CDC20B: variants seen among roughly 807,000 people sequenced by gnomAD.
The protein encoded by CDC20B is cell division cycle 20B, also known as cell division cycle protein 20 homolog B.
CDC20B carries 58 observed loss-of-function variants against 64.1 expected under a neutral mutation model. That is an observed-to-expected ratio of 0.90 (90% CI 0.73 to 1.13). CDC20B has a LOEUF of 1.13. Among genes scored for constraint, CDC20B ranks in the 50% most tolerant of loss-of-function variants. The pLI, the probability that CDC20B is intolerant of heterozygous loss-of-function variation, is 0.00. For synonymous variants in CDC20B, 243 were observed against 230.6 expected (o/e 1.05, Z -0.49); for missense variants, 597 against 633.0 (o/e 0.94, Z 0.61).
intron 2 of CDC20B, among the ~76,000 whole-genome samples, chr5:55,150,450 GC>G (rs1743631184): frequency 6.6e-6 from 1 of 152,222 alleles, no homozygotes; most frequent in South Asian, 2.1e-4. Flanking sequence ...AGGGGGCGAG[GC>G]CGGCTCTCTC....
At position 55,140,153 on chromosome 5, in the gene CDC20B, G is replaced by A. The variant is rs143666801; in HGVS notation, c.580+161C>T. On this transcript the variant is annotated intron_variant, in intron 5 of 11. Transcript: ENST00000381375. ...CTATAGAGAATGGGACTTGGAGGTA[G>A]GGGTAGTTAGAACAGAGGATTATGA... Among the ~76,000 whole-genome samples, 34 of 152,270 alleles carry A rather than the reference G, an allele frequency of 2.2e-4. No individual in the cohort carries two copies. The East Asian group carries it at 6.2e-3, about 28-fold the overall frequency.
rs565350239 is a variant in CDC20B at position 55,135,233 on chromosome 5, C to CTATATA, written c.581-1711_581-1706dup. 3.2e-3 allele frequency among the ~76,000 whole-genome samples: 465 copies of CTATATA among 146,902 alleles called. 5 individuals are homozygous for CTATATA. The highest frequency in any genetic ancestry group is 0.011 in the African/African-American group (441 of 39,836). Reference sequence around the variant, plus strand: ...ATAAAGTGTATGTGTGTGTGTGTGTCTATATATATATATATACAGAGAGAG... The same window carrying CTATATA: ...ATAAAGTGTATGTGTGTGTGTGTGTCTATATATATATATATATATATACAGAGAGAG... On this transcript the variant is annotated intron_variant, in intron 5 of 11. Transcript: ENST00000381375.
At chr5:55,154,276 G>C (rs561733557) in intron 2 of CDC20B, among the ~76,000 whole-genome samples, 4 of 152,198 alleles carry the variant, frequency 2.6e-5, no homozygotes, top group Non-Finnish European at 4.4e-5. Flanking sequence ...AAGCATTTTG[G>C]GGGGCCAGTG....
chr5:55,139,711 A>G (rs1301948538), intron 5 of CDC20B, among the ~76,000 whole-genome samples: 1 of 152,140 alleles, frequency 6.6e-6, no homozygotes, highest in African/African-American at 2.4e-5. Context: ...GCATGTCGAG[A>G]AACTGATGAA....
At chr5:55,166,641 A>G (rs909739949) in intron 2 of CDC20B, 1 of 152,208 alleles carries the variant, frequency 6.6e-6, no homozygotes, top group African/African-American at 2.4e-5. Flanking sequence ...TCTTTCCTAT[A>G]TTGGACAATC....
intron 8 of CDC20B, among the ~76,000 whole-genome samples, chr5:55,127,013 T>C (rs1370420238): frequency 1.3e-5 from 2 of 152,176 alleles, no homozygotes; most frequent in Non-Finnish European, 2.9e-5. Flanking sequence ...ATTTTCACAT[T>C]TTATCTGAAC....
chr5:55,162,950 T>G (rs1580371899), intron 2 of CDC20B, among the ~76,000 whole-genome samples: 1 of 152,262 alleles, frequency 6.6e-6, no homozygotes, highest in South Asian at 2.1e-4. Context: ...GCTCAACCAC[T>G]CATTAGCCAC....
At chr5:55,152,742 C>G (rs1160236107) in intron 2 of CDC20B, among the ~76,000 whole-genome samples, 2 of 152,138 alleles carry the variant, frequency 1.3e-5, no homozygotes, top group African/African-American at 4.8e-5. Flanking sequence ...TACTTTCTCT[C>G]CTGCTATATC....
Position 55,173,085 on chromosome 5 carries a change from C to T in CDC20B, c.-85G>A. 8.0e-7 allele frequency: 1 copy of T among 1,257,330 alleles called. No homozygotes were observed. The highest frequency in any genetic ancestry group is 1.3e-5 in the South Asian group (1 of 77,812). 77.9% of individuals were successfully genotyped at this position (1,257,330 alleles called of 1,614,324 possible). A position where few individuals can be genotyped will look rare whatever the true frequency, so the allele number is the denominator to read the frequency against. ...CTTCCCAGGTCTAAGTCAGTCTTGA[C>T]GCCTAATCGTCAAACCCCTGGAGTC... On this transcript the variant is annotated 5_prime_UTR_variant, in exon 1 of 12. Coordinates refer to ENST00000381375, the MANE Select transcript of CDC20B (RefSeq NM_001170402.1).
chr5:55,121,689 A>G (rs1742760652), intron 9 of CDC20B, among the ~76,000 whole-genome samples: 1 of 152,234 alleles, frequency 6.6e-6, no homozygotes, highest in Non-Finnish European at 1.5e-5. Context: ...CCAGCATCCA[A>G]TGAGTATACT....
chr5:55,133,467 A>T lies in CDC20B; in HGVS notation c.642T>A (p.Asp214Glu). 1 of 1,584,596 alleles carries T rather than the reference A, an allele frequency of 6.3e-7. No homozygotes were observed. Among genetic ancestry groups the T allele is most frequent in the Non-Finnish European group, 8.6e-7 (1 of 1,160,118 alleles). Residue 214 changes from aspartate (D) to glutamate (E), a missense_variant, in exon 6 of 12, where the codon GAT (aspartate) becomes GAA (glutamate). Transcript: ENST00000381375. ...FHLKSSGDIN[D>E]SILQPEVKIH... ...TCTTCACCTCTGGTTGGAGTATGGA[A>T]TCGTTTATATCACCAGAACTTTTAA...
intron 2 of CDC20B, among the ~76,000 whole-genome samples, chr5:55,157,171 G>A (rs560555463): frequency 4.6e-5 from 7 of 152,264 alleles, no homozygotes; most frequent in Middle Eastern, 3.4e-3. Flanking sequence ...CTGAAAGAGC[G>A]CTGGTGGTTT....
intron 2 of CDC20B, among the ~76,000 whole-genome samples, chr5:55,167,359 A>G (rs961184193): frequency 1.3e-5 from 2 of 152,236 alleles, no homozygotes; most frequent in African/African-American, 4.8e-5. Context: ...TATCAATAGT[A>G]TATATACGTG....
chr5:55,156,089 G>T (rs969513191), intron 2 of CDC20B, among the ~76,000 whole-genome samples: 1 of 152,184 alleles, frequency 6.6e-6, no homozygotes, highest in East Asian at 1.9e-4. Flanking sequence ...CATGGCAGAA[G>T]GTGAATGAGG....
At position 55,143,365 on chromosome 5, in the gene CDC20B, A is replaced by G; in HGVS notation, c.486+148T>C. The stretch of plus-strand genomic sequence containing the variant: ...TTTCTTTTACAAAGTGGCTCTATTC[A>G]TATCCTTCAATTATTCATTTTTTAT... On this transcript the variant is annotated intron_variant, in intron 4 of 11. Coordinates refer to ENST00000381375, the MANE Select transcript of CDC20B (RefSeq NM_001170402.1). 3 of 775,524 alleles carry G rather than the reference A, an allele frequency of 3.9e-6. No homozygotes were observed. The South Asian group carries it at 9.5e-5, about 25-fold the overall frequency. 48.0% of individuals were successfully genotyped at this position (775,524 alleles called of 1,614,324 possible).
chr5:55,144,091 G>A (rs1026014513), intron 3 of CDC20B, among the ~76,000 whole-genome samples: 3 of 151,824 alleles, frequency 2.0e-5, no homozygotes, highest in Non-Finnish European at 4.4e-5. Flanking sequence ...TGGTTTGCCC[G>A]AGCTATGGTC....
Position 55,127,432 on chromosome 5 carries a change from A to T in CDC20B, c.895-81T>A, listed in dbSNP as rs187801864. 497 of 1,062,042 alleles carry T rather than the reference A, an allele frequency of 4.7e-4. No homozygotes were observed. The African/African-American group carries it at 6.7e-3, about 14-fold the overall frequency. 65.8% of individuals were successfully genotyped at this position (1,062,042 alleles called of 1,614,324 possible). On this transcript the variant is annotated intron_variant, in intron 7 of 11. Coordinates refer to ENST00000381375, the MANE Select transcript of CDC20B (RefSeq NM_001170402.1). ...CTTCTCAAAGGCCTGAGAGCCAATT[A>T]CTGCTGATATTGTTAGTTTTTGTAC...
At chr5:55,145,483 T>C (rs542147672) in intron 3 of CDC20B, among the ~76,000 whole-genome samples, 2 of 152,330 alleles carry the variant, frequency 1.3e-5, no homozygotes, top group African/African-American at 4.8e-5. Context: ...CAGCTGATGA[T>C]AGGTGGCAAA....
intron 2 of CDC20B, chr5:55,161,050 A>G (rs373013418): frequency 6.5e-5 from 105 of 1,614,030 alleles, no homozygotes; most frequent in Non-Finnish European, 7.9e-5. Flanking sequence ...GAAATTACTT[A>G]GGGCTGAAGG....
Sources: allele counts gnomAD v4.1 joint callset (sites outside exome capture counted in the v4.1 genomes callset), GRCh38; gene constraint gnomAD v4.1.1; transcripts MANE v1.5; gene names NCBI Gene and HGNC (gene_info 2026-07-23, HGNC 2026-07-21).